Variants in AUTS2 observed in about 807,000 individuals in gnomAD.
The protein encoded by AUTS2 is activator of transcription and developmental regulator AUTS2.
A neutral mutation model predicts 112.4 loss-of-function variants in AUTS2; 17 were observed. That is an observed-to-expected ratio of 0.15 (90% CI 0.10 to 0.23). AUTS2 has a LOEUF of 0.23. AUTS2 is among the 10% of genes least tolerant of loss of function. The probability of loss-of-function intolerance (pLI) is 1.00; values close to 1 mark genes in which losing one functional copy is unlikely to be tolerated. For missense variants in AUTS2, 1,510 were observed against 1,701.6 expected, an observed-to-expected ratio of 0.89 and a Z score of 1.98; for synonymous variants, 751 against 702.7, an observed-to-expected ratio of 1.07 and a Z score of -1.09.
chr7:70,517,190 C>T (rs146931660), intron 5 of AUTS2, among the ~76,000 whole-genome samples: 55 of 152,342 alleles, frequency 3.6e-4, no homozygotes, highest in African/African-American at 1.3e-3. Flanking sequence ...AGATCCTCTT[C>T]AGCCTTGACC....
Position 70,694,622 on chromosome 7 carries a change from C to A in AUTS2, c.691-3947C>A, listed in dbSNP as rs1327874405. 2 of 148,734 alleles carry A rather than the reference C, an allele frequency of 1.3e-5. No homozygotes were observed. The highest frequency in any genetic ancestry group is 4.9e-5 in the African/African-American group (2 of 40,986). The allele number at this position is 148,734 out of a possible 1,614,324, so 9.2% of individuals were successfully genotyped here. A position where few individuals can be genotyped will look rare whatever the true frequency, so the allele number is the denominator to read the frequency against. On this transcript the variant is annotated intron_variant, in intron 5 of 18. Transcript: ENST00000342771. This position sits in a 1 kb window ranked among gnomAD's most constrained non-coding sequence, Gnocchi z 4.1. ...GGCGGCTCAGGCCGCTCTTCTCCGC[C>A]TCGCCCTCCCGCCGGCCGGCCCGGG...
At chr7:70,026,868 GAAGCTTAT>G (rs1800544603) in intron 2 of AUTS2, among the ~76,000 whole-genome samples, 1 of 152,146 alleles carries the variant, frequency 6.6e-6, no homozygotes, top group Non-Finnish European at 1.5e-5. Flanking sequence ...TTGGCTTGTT[GAAGCTTAT>G]TCGTGGTTAG....
At chr7:69,639,689 T>C (rs1386060948) in intron 1 of AUTS2, among the ~76,000 whole-genome samples, 1 of 152,256 alleles carries the variant, frequency 6.6e-6, no homozygotes, top group African/African-American at 2.4e-5. Flanking sequence ...TCCCTTTTCC[T>C]GGATGCCCAG....
At chr7:70,277,926 T>TTGTGTGTGTG (rs35535865) in intron 4 of AUTS2, among the ~76,000 whole-genome samples, 1,385 of 129,102 alleles carry the variant, frequency 0.011, 3 homozygotes, top group Non-Finnish European at 0.016. Context: ...CCTTGTGTAT[T>TTGTGTGTGTG]TGTGTGTGTG....
At chr7:70,368,623 G>C (rs1792695490) in intron 4 of AUTS2, among the ~76,000 whole-genome samples, 1 of 152,160 alleles carries the variant, frequency 6.6e-6, no homozygotes. Flanking sequence ...CAGAGACCCA[G>C]CCTGATGGGA....
chr7:70,235,706 C>A (rs1452268343), intron 4 of AUTS2, among the ~76,000 whole-genome samples: 1 of 151,022 alleles, frequency 6.6e-6, no homozygotes, highest in Non-Finnish European at 1.5e-5. Flanking sequence ...GGCTGGAGTG[C>A]AATGGTATGA....
At chr7:69,805,296 T>A (rs932076591) in intron 1 of AUTS2, among the ~76,000 whole-genome samples, 1 of 152,236 alleles carries the variant, frequency 6.6e-6, no homozygotes, top group Non-Finnish European at 1.5e-5. Context: ...GAAGTCACCC[T>A]TTACCTCTGC....
At chr7:70,640,345 G>C (rs1805746778) in intron 5 of AUTS2, among the ~76,000 whole-genome samples, 1 of 147,068 alleles carries the variant, frequency 6.8e-6, no homozygotes, top group South Asian at 2.2e-4. Context: ...ATCTCTCAAG[G>C]GGAAAAGTTA....
chr7:69,659,800 A>C (rs1407395305), intron 1 of AUTS2, among the ~76,000 whole-genome samples: 3 of 152,076 alleles, frequency 2.0e-5, no homozygotes, highest in Non-Finnish European at 4.4e-5. Context: ...CTAAAGCCAT[A>C]CTTCACCATT....
At chr7:70,224,226 G>T (rs1811633672) in intron 4 of AUTS2, among the ~76,000 whole-genome samples, 1 of 151,974 alleles carries the variant, frequency 6.6e-6, no homozygotes, top group South Asian at 2.1e-4. Flanking sequence ...GAGGTGTGAG[G>T]ATCACTTGAG....
At chr7:69,907,301 C>T (rs1422476583) in intron 2 of AUTS2, among the ~76,000 whole-genome samples, 1 of 152,172 alleles carries the variant, frequency 6.6e-6, no homozygotes, top group African/African-American at 2.4e-5. Flanking sequence ...ACTTCATCCT[C>T]CTTTCTTCCT....
chr7:69,636,031 C>A (rs1794503536), intron 1 of AUTS2, among the ~76,000 whole-genome samples: 1 of 152,176 alleles, frequency 6.6e-6, no homozygotes, highest in African/African-American at 2.4e-5. Context: ...AATTTGCATT[C>A]ATCTTTGGCA....
At chr7:70,197,497 AG>A (rs1810246646) in intron 4 of AUTS2, among the ~76,000 whole-genome samples, 1 of 135,490 alleles carries the variant, frequency 7.4e-6, no homozygotes, top group Non-Finnish European at 1.6e-5. Context: ...ACCGTGCGCG[AG>A]CCGAAGCAGG....
intron 2 of AUTS2, among the ~76,000 whole-genome samples, chr7:70,008,707 T>C (rs750454900): frequency 2.0e-5 from 3 of 152,188 alleles, no homozygotes; most frequent in Non-Finnish European, 4.4e-5. Context: ...AAAACGTGAA[T>C]TGAGAAATTT....
intron 1 of AUTS2, among the ~76,000 whole-genome samples, chr7:69,842,601 G>A (rs1792029479): frequency 1.3e-5 from 2 of 152,336 alleles, no homozygotes; most frequent in African/African-American, 4.8e-5. Flanking sequence ...TTCAAAGGAA[G>A]AGTTTCAAAA....
chr7:70,646,422 T>G (rs1384121974), intron 5 of AUTS2, among the ~76,000 whole-genome samples: 3 of 152,144 alleles, frequency 2.0e-5, no homozygotes, highest in African/African-American at 4.8e-5. Context: ...TCCACTAAGG[T>G]CAGCCGTCAA....
At chr7:69,934,241 G>A (rs139832822) in intron 2 of AUTS2, among the ~76,000 whole-genome samples, 193 of 152,190 alleles carry the variant, frequency 1.3e-3, no homozygotes, top group African/African-American at 4.5e-3. Flanking sequence ...GGAGGGCAGG[G>A]GATGCTCTTC....
At chr7:70,424,961 G>A (rs1210926911) in intron 4 of AUTS2, among the ~76,000 whole-genome samples, 1 of 152,194 alleles carries the variant, frequency 6.6e-6, no homozygotes, top group Non-Finnish European at 1.5e-5. Flanking sequence ...CGTTGTTCCT[G>A]TGGAGGAACC....
intron 4 of AUTS2, among the ~76,000 whole-genome samples, chr7:70,257,318 T>A (rs1157759918): frequency 1.3e-5 from 2 of 152,132 alleles, no homozygotes; most frequent in Non-Finnish European, 2.9e-5. Flanking sequence ...TTTTGAATTT[T>A]GTTTTTGTTG....
Sources: allele counts gnomAD v4.1 joint callset (sites outside exome capture counted in the v4.1 genomes callset), GRCh38; gene constraint gnomAD v4.1.1; non-coding constraint Gnocchi (gnomAD v3.1); transcripts MANE v1.5; gene names NCBI Gene and HGNC (gene_info 2026-07-23, HGNC 2026-07-21).